The following MMP24 variants were observed in gnomAD, a reference collection of about 807,000 sequenced individuals.
MMP24 encodes matrix metallopeptidase 24.
In MMP24, 25 loss-of-function variants were observed where a neutral mutation model predicts 62.8. The ratio of observed to expected loss-of-function variants is 0.40; its 90% CI spans 0.29 to 0.56. The LOEUF is 0.56. MMP24 is among the 20% of genes least tolerant of loss of function. MMP24 has a pLI of 0.50. For missense variants in MMP24, 634 were observed against 853.6 expected, an observed-to-expected ratio of 0.74 and a Z score of 3.21; for synonymous variants, 319 against 350.5, an observed-to-expected ratio of 0.91 and a Z score of 1.00.
At chr20:35,255,973 T>C (rs1449346701) in intron 4 of MMP24, 4 of 152,150 alleles carry the variant, frequency 2.6e-5, no homozygotes, top group Non-Finnish European at 5.9e-5. Flanking sequence ...AGACAGACTC[T>C]ACCCAAGGCT....
chr20:35,244,746 A>G (rs2060506239), intron 1 of MMP24, among the ~76,000 whole-genome samples: 1 of 149,794 alleles, frequency 6.7e-6, no homozygotes. Context: ...AGCCGGGAAT[A>G]ATCTTTACTT....
intron 1 of MMP24, among the ~76,000 whole-genome samples, chr20:35,241,954 G>A (rs1006866728): frequency 3.9e-5 from 6 of 152,324 alleles, no homozygotes; most frequent in African/African-American, 1.2e-4. Context: ...TAGAGAACCA[G>A]TAGAGTCCGT....
At chr20:35,230,239 C>T (rs1490260344) in intron 1 of MMP24, among the ~76,000 whole-genome samples, 1 of 152,228 alleles carries the variant, frequency 6.6e-6, no homozygotes, top group Admixed American at 6.5e-5. Context: ...ATCCACCTTC[C>T]TCAGCCTCCC....
At position 35,267,198 on chromosome 20, in the gene MMP24, T is replaced by C. The variant is rs895753088; in HGVS notation, c.980-7T>C. On this transcript the variant is annotated splice_region_variant and splice_polypyrimidine_tract_variant and intron_variant, in intron 5 of 8. Transcript: ENST00000246186. ...CCCCCTCTCTAAGATGCAGCTCCTC[T>C]CTCCAGGACCCCCAGCCGAGCCTCT... 1.9e-6 allele frequency: 3 copies of C among 1,576,590 alleles called. No individual in the cohort carries two copies. The highest frequency in any genetic ancestry group is 2.6e-6 in the Non-Finnish European group (3 of 1,162,366).
At chr20:35,265,033 G>C (rs958048657) in intron 5 of MMP24, among the ~76,000 whole-genome samples, 3 of 152,190 alleles carry the variant, frequency 2.0e-5, no homozygotes, top group Non-Finnish European at 4.4e-5. Flanking sequence ...GACCAGGTGG[G>C]GGCTGTGGGT....
At position 35,276,971 on chromosome 20, in the gene MMP24, T is replaced by C. The variant is rs550376521; in HGVS notation, c.*2362T>C. On this transcript the variant is annotated 3_prime_UTR_variant, in exon 9 of 9. Transcript: ENST00000246186. ...CAGCCTTTGTATAATGTTTTTTAAA[T>C]CATTTCTAAATAAAACAGAAATACA... 6.5e-6 allele frequency: 1 copy of C among 152,812 alleles called. No homozygotes were observed. Among genetic ancestry groups the C allele is most frequent in the South Asian group, 2.1e-4 (1 of 4,826 alleles). The allele number at this position is 152,812 out of a possible 1,614,324, so 9.5% of individuals were successfully genotyped here.
At position 35,275,381 on chromosome 20, in the gene MMP24, C is replaced by CA. The variant is rs2060698122; in HGVS notation, c.*773dup. 1 of 152,302 alleles carries CA rather than the reference C, an allele frequency of 6.6e-6. No homozygotes were observed. Among genetic ancestry groups the CA allele is most frequent in the Non-Finnish European group, 1.5e-5 (1 of 68,138 alleles). The allele number at this position is 152,302 out of a possible 1,614,324, so 9.4% of individuals were successfully genotyped here. Reference sequence around the variant, plus strand: ...GTGACTGTCTTGGTGATGAGGCCAGCATAGCGGCCCTCCCCCAGGCGACAA... The same window carrying CA: ...GTGACTGTCTTGGTGATGAGGCCAGCAATAGCGGCCCTCCCCCAGGCGACAA... On this transcript the variant is annotated 3_prime_UTR_variant, in exon 9 of 9. Transcript: ENST00000246186.
rs180724951 is a variant in MMP24, at chr20:35,275,072, C to T, written c.*463C>T. 3.1e-3 allele frequency: 522 copies of T among 166,936 alleles called. 1 individual carries two copies. Among genetic ancestry groups the T allele is most frequent in the Non-Finnish European group, 5.2e-3 (395 of 75,452 alleles). The allele number at this position is 166,936 out of a possible 1,614,324, so 10.3% of individuals were successfully genotyped here. Reference sequence around the variant, plus strand: ...CCAACACCTGCTGGTCAGATGTCCCCCTACCCCCACCCCACTGTCCTCCAA... The same window carrying T: ...CCAACACCTGCTGGTCAGATGTCCCTCTACCCCCACCCCACTGTCCTCCAA... On this transcript the variant is annotated 3_prime_UTR_variant, in exon 9 of 9. Transcript: ENST00000246186.
Position 35,267,483 on chromosome 20 carries a change from A to G in MMP24, c.1194+64A>G, listed in dbSNP as rs952588939. On this transcript the variant is annotated intron_variant, in intron 6 of 8. Transcript: ENST00000246186. ...ACCTTTCCTCCTCCTCCCCGACATC[A>G]TGGAGCTGGGGAAGGCTCCTGATTT... 8 of 1,459,988 alleles carry G rather than the reference A, an allele frequency of 5.5e-6. No individual in the cohort carries two copies. In the African/African-American group the frequency reaches 9.9e-5, roughly 18 times the overall value. The allele number at this position is 1,459,988 out of a possible 1,614,324, so 90.4% of individuals were successfully genotyped here.
chr20:35,272,199 G>T, intron 8 of MMP24: 1 of 427,296 alleles, frequency 2.3e-6, no homozygotes, highest in South Asian at 8.0e-5. Flanking sequence ...CACAGGGCTC[G>T]AGGGCAAGAA....
At chr20:35,234,581 G>T (rs146939924) in intron 1 of MMP24, among the ~76,000 whole-genome samples, 1 of 152,294 alleles carries the variant, frequency 6.6e-6, no homozygotes, top group East Asian at 1.9e-4. Flanking sequence ...CGCACCATGG[G>T]GAGGCCAGAG....
At chr20:35,265,587 A>AT (rs556884868) in intron 5 of MMP24, among the ~76,000 whole-genome samples, 308 of 152,256 alleles carry the variant, frequency 2.0e-3, no homozygotes, top group Middle Eastern at 3.4e-3. Flanking sequence ...ATTTAAATTT[A>AT]TATTTATTAG....
At chr20:35,248,297 TCC>T (rs930469987) in intron 2 of MMP24, among the ~76,000 whole-genome samples, 3 of 134,614 alleles carry the variant, frequency 2.2e-5, no homozygotes, top group African/African-American at 8.8e-5. Context: ...AATTCTAGAT[TCC>T]CCCCCCCTTT....
intron 2 of MMP24, among the ~76,000 whole-genome samples, chr20:35,248,985 G>C (rs1399304660): frequency 2.0e-5 from 3 of 152,200 alleles, no homozygotes; most frequent in Non-Finnish European, 4.4e-5. Flanking sequence ...ATGGTGAAAG[G>C]AGGAGGCAGC....
intron 1 of MMP24, among the ~76,000 whole-genome samples, chr20:35,245,439 C>T (rs776221253): frequency 6.6e-6 from 1 of 151,136 alleles, no homozygotes; most frequent in Non-Finnish European, 1.5e-5. Flanking sequence ...TATATATAGG[C>T]ATATATGTAT....
chr20:35,271,628 G>A lies in MMP24; in HGVS notation c.1393G>A (p.Gly465Arg), dbSNP rs1394212090. 6.2e-7 allele frequency: 1 copy of A among 1,611,980 alleles called. No individual in the cohort carries two copies. The highest frequency in any genetic ancestry group is 2.2e-5 in the East Asian group (1 of 44,824). Reference sequence around the variant, plus strand: ...GGAGCCTGGGTACCCCCACAGCCTGGGGGAGCTGGGCAGCTGTTTGCCCCG... The same window carrying A: ...GGAGCCTGGGTACCCCCACAGCCTGAGGGAGCTGGGCAGCTGTTTGCCCCG... ...TVEPGYPHSLGELGSCLPREG... is the reference protein window; with the variant it reads ...TVEPGYPHSLRELGSCLPREG... The change falls in exon 8 of 9, where the codon GGG becomes AGG. Residue 465 changes from glycine to arginine, a missense_variant. By Grantham distance (125) the Gly-to-Arg change is moderately radical (BLOSUM62 -2). Around this residue, in one of 3 missense-constraint regions of MMP24, gnomAD observed 399 missense variants for 530.8 expected, o/e 0.75. Transcript: ENST00000246186. This position sits in a 1 kb window ranked among gnomAD's most constrained non-coding sequence, Gnocchi z 4.0.
intron 3 of MMP24, among the ~76,000 whole-genome samples, chr20:35,253,270 CTTTTTTTTTTT>C (rs34474017): frequency 2.5e-4 from 20 of 79,052 alleles, no homozygotes; most frequent in African/African-American, 1.1e-3. Context: ...CAGAACGGGA[CTTTTTTTTTTT>C]TTTTTTTTTT....
In MMP24 at chr20:35,275,943, C is replaced by A. The variant is rs537075321; in HGVS notation, c.*1334C>A. The A allele has an allele frequency of 7.5e-6, 3 of 398,594 alleles. No individual in the cohort carries two copies. The highest frequency in any genetic ancestry group is 4.1e-5 in the African/African-American group (2 of 48,768). The allele number at this position is 398,594 out of a possible 1,614,324, so 24.7% of individuals were successfully genotyped here. A position where few individuals can be genotyped will look rare whatever the true frequency, so the allele number is the denominator to read the frequency against. On this transcript the variant is annotated 3_prime_UTR_variant, in exon 9 of 9. Transcript: ENST00000246186. ...AGTTCCTAGGGCTTGGCCTGCCTTG[C>A]TCCACAGTACGGCGGAGGCAGCCCT...
At chr20:35,256,714 C>CAAAAAA (rs74173944) in intron 4 of MMP24, among the ~76,000 whole-genome samples, 7 of 39,714 alleles carry the variant, frequency 1.8e-4, no homozygotes, top group African/African-American at 3.7e-4. Context: ...GATTCCGTCT[C>CAAAAAA]AAAAAAAAAA....
Sources: gnomAD v4.1 joint callset for allele counts (sites outside exome capture counted in the v4.1 genomes callset) on GRCh38, gnomAD v4.1.1 for gene constraint, gnomAD v4.1.1 regional missense constraint, Gnocchi (gnomAD v3.1) non-coding constraint, MANE v1.5 for transcripts, NCBI Gene and HGNC (gene_info 2026-07-23, HGNC 2026-07-21) for gene names.